ABCC4: variants seen among roughly 807,000 people sequenced by gnomAD.
ABCC4 encodes the protein ATP-binding cassette sub-family C member 4.
A neutral mutation model predicts 168.5 loss-of-function variants in ABCC4; 102 were observed. That is an observed-to-expected ratio of 0.61 (90% CI 0.52 to 0.71). ABCC4 has a LOEUF of 0.71. Ranked by LOEUF, ABCC4 falls within the 30% of genes least tolerant of loss-of-function variation. The probability of loss-of-function intolerance (pLI) is 0.00; values close to 1 mark genes in which losing one functional copy is unlikely to be tolerated. For synonymous variants in ABCC4, 617 were observed against 590.7 expected (o/e 1.04, Z -0.65); for missense variants, 1,402 against 1,605.8 (o/e 0.87, Z 2.17).
chr13:95,288,323 A>G (rs1168736490), intron 1 of ABCC4, among the ~76,000 whole-genome samples: 1 of 152,184 alleles, frequency 6.6e-6, no homozygotes, highest in South Asian at 2.1e-4. Flanking sequence ...GATTAAGACT[A>G]AAGTAATAGC....
chr13:95,021,514 T>A lies in ABCC4; in HGVS notation c.*61A>T. 1 of 1,233,780 alleles carries A rather than the reference T, an allele frequency of 8.1e-7. No homozygotes were observed. The highest frequency in any genetic ancestry group is 1.2e-6 in the Non-Finnish European group (1 of 842,100). The allele number at this position is 1,233,780 out of a possible 1,614,324, so 76.4% of individuals were successfully genotyped here. ...AAAGTAAAAAAAAGTACAATGTGGTTTACATAGTCCAAAAACTAGTGGAAA... is the reference window on the plus strand; with the variant it reads ...AAAGTAAAAAAAAGTACAATGTGGTATACATAGTCCAAAAACTAGTGGAAA... On this transcript the variant is annotated 3_prime_UTR_variant, in exon 31 of 31. Coordinates refer to ENST00000645237, the MANE Select transcript of ABCC4 (RefSeq NM_005845.5).
At chr13:95,146,538 C>G (rs2036500486) in intron 19 of ABCC4, among the ~76,000 whole-genome samples, 1 of 152,176 alleles carries the variant, frequency 6.6e-6, no homozygotes, top group African/African-American at 2.4e-5. Flanking sequence ...TTATAATCTG[C>G]AGTCTGATTA....
chr13:95,227,972 A>G (rs916579910), intron 4 of ABCC4, among the ~76,000 whole-genome samples: 8 of 152,166 alleles, frequency 5.3e-5, no homozygotes, highest in Non-Finnish European at 1.2e-4. Context: ...GGCCTCCCAT[A>G]GTGTTGGGAT....
At chr13:95,284,740 A>G (rs1458486224) in intron 1 of ABCC4, among the ~76,000 whole-genome samples, 1 of 152,220 alleles carries the variant, frequency 6.6e-6, no homozygotes, top group African/African-American at 2.4e-5. Context: ...ATCAAGAGGT[A>G]CATGACGCTG....
Position 95,244,670 on chromosome 13 carries a change from A to AAAGAAAGAAAGAAATCAATC in ABCC4, c.306+2304_306+2305insGATTGATTTCTTTCTTTCTT, listed in dbSNP as rs72377318. ...GAAAGAAAGAAAGAAAGAAAGAAAGAAATCATAGCAGTTCCTGGTACATAG... is the reference window on the plus strand; with the variant it reads ...GAAAGAAAGAAAGAAAGAAAGAAAGAAAGAAAGAAAGAAATCAATCAATCATAGCAGTTCCTGGTACATAG... On this transcript the variant is annotated intron_variant, in intron 3 of 30. Coordinates refer to ENST00000645237, the MANE Select transcript of ABCC4 (RefSeq NM_005845.5). Among the ~76,000 whole-genome samples, 43 of 106,452 alleles carry AAAGAAAGAAAGAAATCAATC rather than the reference A, an allele frequency of 4.0e-4. 1 individual carries two copies. Among genetic ancestry groups the AAAGAAAGAAAGAAATCAATC allele is most frequent in the East Asian group, 7.6e-4 (3 of 3,966 alleles). The allele number at this position is 106,452 out of a possible 152,430, so 69.8% of individuals were successfully genotyped here. A position where few individuals can be genotyped will look rare whatever the true frequency, so the allele number is the denominator to read the frequency against.
At chr13:95,242,205 G>A (rs1166374614) in intron 3 of ABCC4, among the ~76,000 whole-genome samples, 3 of 149,808 alleles carry the variant, frequency 2.0e-5, no homozygotes, top group Middle Eastern at 3.2e-3. Flanking sequence ...TAAATCAACT[G>A]TGAAACTAAC....
intron 8 of ABCC4, among the ~76,000 whole-genome samples, chr13:95,196,555 T>G (rs1388385907): frequency 1.7e-4 from 14 of 81,746 alleles, no homozygotes; most frequent in Middle Eastern, 7.6e-3. Flanking sequence ...TCAAAAAAAA[T>G]AAAAGGAAAG....
chr13:95,203,597 A>G (rs1360037297), intron 8 of ABCC4, among the ~76,000 whole-genome samples: 2 of 151,950 alleles, frequency 1.3e-5, no homozygotes, highest in Non-Finnish European at 2.9e-5. Context: ...ACCTCAAGTG[A>G]TCCGCTCACC....
Position 95,210,712 on chromosome 13 carries a change from C to G in ABCC4, c.601G>C (p.Asp201His). The change falls in exon 5 of 31, where the codon GAT becomes CAT. Residue 201 changes from aspartate (D) to histidine (H), a missense_variant. Asp to His is a moderately conservative substitution (Grantham distance 81, BLOSUM62 -1). Around this residue, in one of 3 missense-constraint regions of ABCC4, gnomAD observed 317 missense variants for 345.5 expected, o/e 0.92. Coordinates refer to ENST00000645237, the MANE Select transcript of ABCC4 (RefSeq NM_005845.5). ...TGQIVNLLSN[D>H]VNKFDQVTVF... ...CTTACCTGATCAAACTTGTTCACAT[C>G]ATTGGACAGCAGATTGACTATCTGG... 6.2e-7 allele frequency: 1 copy of G among 1,614,166 alleles called. No homozygotes were observed. Among genetic ancestry groups the G allele is most frequent in the Non-Finnish European group, 8.5e-7 (1 of 1,180,006 alleles).
chr13:95,230,756 C>T (rs1444379235), intron 4 of ABCC4, among the ~76,000 whole-genome samples: 1 of 152,168 alleles, frequency 6.6e-6, no homozygotes, highest in Non-Finnish European at 1.5e-5. Flanking sequence ...GACTGGGTGA[C>T]AGAGCAAGAC....
chr13:95,036,390 CT>C, intron 29 of ABCC4, among the ~76,000 whole-genome samples: 1 of 152,166 alleles, frequency 6.6e-6, no homozygotes, highest in East Asian at 1.9e-4. Context: ...CAAATTCCTA[CT>C]AAATTTATTC....
chr13:95,158,012 C>A (rs2036933947), intron 19 of ABCC4, among the ~76,000 whole-genome samples: 1 of 147,988 alleles, frequency 6.8e-6, no homozygotes, highest in Non-Finnish European at 1.5e-5. Context: ...GCAGAGCTTG[C>A]AGTGAGCCAA....
chr13:95,158,736 G>C (rs1302328252), intron 19 of ABCC4, among the ~76,000 whole-genome samples: 1 of 151,980 alleles, frequency 6.6e-6, no homozygotes, highest in East Asian at 1.9e-4. Context: ...GAAAAATCGA[G>C]CATGCCTGCC....
chr13:95,025,379 A>C (rs780066553), intron 30 of ABCC4, among the ~76,000 whole-genome samples: 1 of 25,782 alleles, frequency 3.9e-5, no homozygotes, highest in Non-Finnish European at 6.7e-5. Context: ...CACCCCACAC[A>C]CACCCTCCCA....
At chr13:95,075,745 A>T (rs1375926086) in intron 21 of ABCC4, 194 bp from the exon 22 acceptor site, 6 of 588,614 alleles carry the variant, frequency 1.0e-5, no homozygotes, top group Non-Finnish European at 1.7e-5. Context: ...TCCTGCTCAA[A>T]CCACACCTCA....
chr13:95,161,168 G>C, intron 19 of ABCC4, 21 bp downstream of exon 19: 4 of 1,568,112 alleles, frequency 2.6e-6, no homozygotes, highest in Non-Finnish European at 3.4e-6. Flanking sequence ...TACTTACTGA[G>C]AAACTTGGTG....
chr13:95,125,393 T>C (rs534950085), intron 19 of ABCC4, among the ~76,000 whole-genome samples: 1 of 152,302 alleles, frequency 6.6e-6, no homozygotes, highest in East Asian at 1.9e-4. Flanking sequence ...GGTAAATACT[T>C]TGGCTATCAC....
At chr13:95,063,639 TACA>T (rs775842137) in intron 25 of ABCC4, among the ~76,000 whole-genome samples, 14 of 152,236 alleles carry the variant, frequency 9.2e-5, no homozygotes, top group Non-Finnish European at 1.6e-4. Context: ...AATTAATACT[TACA>T]ATTGCCCCTT....
chr13:95,109,377 G>A (rs995943577), intron 20 of ABCC4, among the ~76,000 whole-genome samples: 2 of 131,232 alleles, frequency 1.5e-5, no homozygotes, highest in Non-Finnish European at 3.2e-5. Flanking sequence ...TTGAGGGTGA[G>A]CCACAGGTGT....
Sources: allele counts gnomAD v4.1 joint callset (sites outside exome capture counted in the v4.1 genomes callset), GRCh38; gene constraint gnomAD v4.1.1; regional missense constraint gnomAD v4.1.1; transcripts MANE v1.5; gene names NCBI Gene and HGNC (gene_info 2026-07-23, HGNC 2026-07-21).